Variants in SCN3A observed in about 807,000 individuals in gnomAD.
SCN3A encodes sodium voltage-gated channel alpha subunit 3.
SCN3A carries 60 observed loss-of-function variants against 187.6 expected under a neutral mutation model. The ratio of observed to expected loss-of-function variants is 0.32; its 90% CI spans 0.26 to 0.40. The LOEUF is 0.40. Among genes scored for constraint, SCN3A ranks in the 10% least tolerant of loss-of-function variants. SCN3A has a pLI of 1.00. For synonymous variants in SCN3A, 788 were observed against 829.2 expected (o/e 0.95, Z 0.85); for missense variants, 1,601 against 2,428.2 (o/e 0.66, Z 7.16).
intron 18 of SCN3A, among the ~76,000 whole-genome samples, chr2:165,123,451 A>G (rs1686807458): frequency 6.6e-6 from 1 of 152,144 alleles, no homozygotes; most frequent in South Asian, 2.1e-4. Context: ...GTTTCCAAAT[A>G]CCATCTAAAT....
intron 18 of SCN3A, among the ~76,000 whole-genome samples, chr2:165,119,093 A>T (rs376627278): frequency 1.2e-4 from 18 of 152,068 alleles, no homozygotes; most frequent in South Asian, 8.3e-4. Context: ...TTTTGTAGAG[A>T]TAGGGTTTTG....
intron 3 of SCN3A, among the ~76,000 whole-genome samples, chr2:165,173,048 T>A (rs572845493): frequency 6.6e-6 from 1 of 152,314 alleles, no homozygotes; most frequent in South Asian, 2.1e-4. Flanking sequence ...TTGCTACAGC[T>A]GGAAGTATGT....
At chr2:165,143,898 A>G (rs1482759804) in intron 12 of SCN3A, among the ~76,000 whole-genome samples, 1 of 152,222 alleles carries the variant, frequency 6.6e-6, no homozygotes, top group Non-Finnish European at 1.5e-5. Flanking sequence ...AAGATGTTCT[A>G]GTGGGAACAA....
Position 165,162,760 on chromosome 2 carries a change from C to G in SCN3A, c.763G>C (p.Val255Leu). 1 of 1,614,126 alleles carries G rather than the reference C, an allele frequency of 6.2e-7. No individual in the cohort carries two copies. The highest frequency in any genetic ancestry group is 1.1e-5 in the South Asian group (1 of 91,082). The change falls in exon 8 of 28, where the codon GTG becomes CTG. Residue 255 changes from valine to leucine, a missense_variant. By Grantham distance (32) the Val-to-Leu change is conservative (BLOSUM62 1). Coordinates refer to ENST00000283254, the MANE Select transcript of SCN3A (RefSeq NM_006922.4). ...AGAGCAAACACGCTCAGACAGAACA[C>G]AGTCAGGATCATCACATCAGAAAGC... Reference protein sequence around the residue: ...KKLSDVMILTVFCLSVFALIG... With the variant: ...KKLSDVMILTLFCLSVFALIG...
chr2:165,174,217 A>T (rs1690306440), intron 3 of SCN3A, among the ~76,000 whole-genome samples: 1 of 152,104 alleles, frequency 6.6e-6, no homozygotes, highest in Non-Finnish European at 1.5e-5. Context: ...CCTCCAGTGT[A>T]TTTATTTACA....
intron 2 of SCN3A, among the ~76,000 whole-genome samples, chr2:165,178,947 G>T (rs1011124228): frequency 3.3e-5 from 5 of 152,032 alleles, no homozygotes; most frequent in Non-Finnish European, 5.9e-5. Flanking sequence ...TTATGCTTTT[G>T]AGTGCAGAAA....
intron 11 of SCN3A, among the ~76,000 whole-genome samples, chr2:165,151,496 G>A (rs2105849662): frequency 6.6e-6 from 1 of 152,280 alleles, no homozygotes; most frequent in East Asian, 1.9e-4. Flanking sequence ...CAAAATACAT[G>A]TTACAGTAGT....
rs547856791 is a variant in SCN3A, at chr2:165,089,846, G to T, written c.*304C>A. The T allele has an allele frequency of 5.0e-5, 19 of 378,594 alleles. No homozygotes were observed. Among genetic ancestry groups the T allele is most frequent in the African/African-American group, 3.5e-4 (17 of 48,732 alleles). 23.5% of individuals were successfully genotyped at this position (378,594 alleles called of 1,614,324 possible). On this transcript the variant is annotated 3_prime_UTR_variant, in exon 28 of 28. Coordinates refer to ENST00000283254, the MANE Select transcript of SCN3A (RefSeq NM_006922.4). ...AATGGATGCAAGGACTGTACTAAAG[G>T]TGTTTGGTGTAGTTACAATGTTCAC... is the stretch of plus-strand genomic sequence containing the variant.
At chr2:165,120,960 T>C (rs1686643704) in intron 18 of SCN3A, among the ~76,000 whole-genome samples, 1 of 152,082 alleles carries the variant, frequency 6.6e-6, no homozygotes, top group Non-Finnish European at 1.5e-5. Context: ...TGAAAATAAT[T>C]ACGTTGTAGT....
chr2:165,127,616 T>TA lies in SCN3A; in HGVS notation c.3393+14dup. The stretch of plus-strand genomic sequence containing the variant: ...ATCATAGGAAATGGAACAAAAAATT[T>TA]AAAAGCATTCTTACCTCTTTGCTTT... On this transcript the variant is annotated intron_variant, in intron 18 of 27. Coordinates refer to ENST00000283254, the MANE Select transcript of SCN3A (RefSeq NM_006922.4). 1 of 1,602,946 alleles carries TA rather than the reference T, an allele frequency of 6.2e-7. No individual in the cohort carries two copies. Among genetic ancestry groups the TA allele is most frequent in the Non-Finnish European group, 8.5e-7 (1 of 1,171,160 alleles).
rs1310011651 is a variant in SCN3A at position 165,154,510 on chromosome 2, T to C, written c.1322A>G (p.Lys441Arg). Residue 441 changes from lysine to arginine, a missense_variant, in exon 11 of 28, where the codon AAA (lysine) becomes AGA (arginine). Transcript: ENST00000283254. ...NQATLEEAEQ[K>R]EAEFQQMLEQ... ...GAGCATCTGCTGAAATTCGGCCTCT[T>C]TTTGTTCTGCTTCTTCCAAGGTGGC... is the stretch of plus-strand genomic sequence containing the variant. 6.2e-7 allele frequency: 1 copy of C among 1,614,170 alleles called. No homozygotes were observed. Among genetic ancestry groups the C allele is most frequent in the Admixed American group, 1.7e-5 (1 of 60,028 alleles).
At chr2:165,146,141 A>G (rs547853774) in intron 12 of SCN3A, among the ~76,000 whole-genome samples, 25 of 152,234 alleles carry the variant, frequency 1.6e-4, no homozygotes, top group African/African-American at 5.8e-4. Flanking sequence ...GCATGACCCT[A>G]TGCAAGCAAA....
chr2:165,201,534 A>G (rs2106001493), intron 1 of SCN3A, among the ~76,000 whole-genome samples: 1 of 152,202 alleles, frequency 6.6e-6, no homozygotes, highest in East Asian at 1.9e-4. Flanking sequence ...GATCTATACC[A>G]AGCACTGAAC....
chr2:165,140,571 A>G lies in SCN3A; in HGVS notation c.2019+80T>C. The G allele has an allele frequency of 1.6e-6, 2 of 1,232,752 alleles. No homozygotes were observed. The highest frequency in any genetic ancestry group is 2.3e-5 in the East Asian group (1 of 42,888). The allele number at this position is 1,232,752 out of a possible 1,614,324, so 76.4% of individuals were successfully genotyped here. A position where few individuals can be genotyped will look rare whatever the true frequency, so the allele number is the denominator to read the frequency against. On this transcript the variant is annotated intron_variant, in intron 13 of 27. Coordinates refer to ENST00000283254, the MANE Select transcript of SCN3A (RefSeq NM_006922.4). This position sits in a 1 kb window ranked among gnomAD's most constrained non-coding sequence, Gnocchi z 4.2. The stretch of plus-strand genomic sequence containing the variant: ...TTTCATTTTGAGGAAGCAGGACGGT[A>G]TGACAGCCTAAACTGTCCAGGCTTT...
At position 165,186,685 on chromosome 2, in the gene SCN3A, C is replaced by G. The variant is rs1691263505; in HGVS notation, c.-185G>C. 1 of 152,132 alleles carries G rather than the reference C, an allele frequency of 6.6e-6. No homozygotes were observed. The allele number at this position is 152,132 out of a possible 1,614,324, so 9.4% of individuals were successfully genotyped here. Reference sequence around the variant, plus strand: ...AAGCCACTCTACTATGAATCCTTGACAGGTATCTCATCCCTGTCAAACCTT... The same window carrying G: ...AAGCCACTCTACTATGAATCCTTGAGAGGTATCTCATCCCTGTCAAACCTT... On this transcript the variant is annotated 5_prime_UTR_variant, in exon 2 of 28. Coordinates refer to ENST00000283254, the MANE Select transcript of SCN3A (RefSeq NM_006922.4).
At chr2:165,184,996 T>C (rs1219187516) in intron 2 of SCN3A, among the ~76,000 whole-genome samples, 1 of 152,098 alleles carries the variant, frequency 6.6e-6, no homozygotes, top group Non-Finnish European at 1.5e-5. Flanking sequence ...TGCCAACATG[T>C]GTTAACTATT....
chr2:165,099,152 A>C (rs2105655085), intron 22 of SCN3A, among the ~76,000 whole-genome samples: 1 of 152,252 alleles, frequency 6.6e-6, no homozygotes, highest in Middle Eastern at 3.4e-3. Context: ...TATTGCCCCA[A>C]ACCAACCATC....
chr2:165,152,862 T>C (rs1688771397), intron 11 of SCN3A, among the ~76,000 whole-genome samples: 1 of 151,924 alleles, frequency 6.6e-6, no homozygotes, highest in Non-Finnish European at 1.5e-5. Context: ...ATGGCACATG[T>C]ATGCATATGT....
intron 5 of SCN3A, among the ~76,000 whole-genome samples, chr2:165,165,739 G>A (rs1468406486): frequency 6.6e-6 from 1 of 152,134 alleles, no homozygotes; most frequent in Admixed American, 6.5e-5. Context: ...TATGAAAAAT[G>A]TTAGGATCAT....
Sources: allele counts gnomAD v4.1 joint callset (sites outside exome capture counted in the v4.1 genomes callset), GRCh38; gene constraint gnomAD v4.1.1; non-coding constraint Gnocchi (gnomAD v3.1); transcripts MANE v1.5; gene names NCBI Gene and HGNC (gene_info 2026-07-23, HGNC 2026-07-21).